GRHL2: variants seen among roughly 807,000 people sequenced by gnomAD.
GRHL2 encodes grainyhead-like protein 2 homolog.
Under a neutral mutation model 83.8 loss-of-function variants are expected in GRHL2, and 21 were observed. That is an observed-to-expected ratio of 0.25 (90% CI 0.18 to 0.36). The LOEUF (loss-of-function observed/expected upper bound fraction) is 0.36, where lower values mean the gene tolerates loss of function less well. Ranked by LOEUF, GRHL2 falls within the 10% of genes least tolerant of loss-of-function variation. GRHL2 has a pLI of 1.00. For missense variants in GRHL2, 623 were observed against 781.8 expected (o/e 0.80, Z 2.42); for synonymous variants, 280 against 278.9 (o/e 1.00, Z -0.04).
intron 1 of GRHL2, among the ~76,000 whole-genome samples, chr8:101,532,755 CAAA>C (rs1187121429): frequency 2.2e-5 from 2 of 90,462 alleles, no homozygotes; most frequent in African/African-American, 4.3e-5. Context: ...CTCCATCTCA[CAAA>C]AAAAAAAAAA....
intron 14 of GRHL2, among the ~76,000 whole-genome samples, chr8:101,657,874 G>GA (rs1185202927): frequency 6.6e-6 from 1 of 151,314 alleles, no homozygotes; most frequent in East Asian, 1.9e-4. Context: ...AAAACACAAA[G>GA]AAAAAAACCC....
chr8:101,512,019 C>G (rs975758111), intron 1 of GRHL2, among the ~76,000 whole-genome samples: 3 of 152,100 alleles, frequency 2.0e-5, no homozygotes, highest in African/African-American at 7.2e-5. Context: ...TTTTTTAACT[C>G]TTCAGTGTGT....
intron 15 of GRHL2, 73 bp downstream of exon 15, chr8:101,664,591 T>C (rs1370176213): frequency 2.7e-6 from 3 of 1,103,052 alleles, no homozygotes; most frequent in Admixed American, 3.5e-5. Context: ...AATAAAATGA[T>C]GCCTGTCTTT....
chr8:101,517,702 C>A (rs926667669), intron 1 of GRHL2, among the ~76,000 whole-genome samples: 1 of 152,114 alleles, frequency 6.6e-6, no homozygotes, highest in South Asian at 2.1e-4. Flanking sequence ...CAACACTGAC[C>A]TTTGTTTTTT....
intron 1 of GRHL2, chr8:101,542,729 A>G (rs759932538): frequency 8.8e-6 from 4 of 456,622 alleles, no homozygotes. Flanking sequence ...CCAGAAGTCC[A>G]GGATCAAGGG....
At chr8:101,531,835 A>G (rs1305522026) in intron 1 of GRHL2, among the ~76,000 whole-genome samples, 1 of 152,172 alleles carries the variant, frequency 6.6e-6, no homozygotes, top group Non-Finnish European at 1.5e-5. Flanking sequence ...AGAGAGAGAG[A>G]GAGACCATGC....
rs5893575 is a variant in GRHL2 at position 101,601,159 on chromosome 8, AACACAC to A, written c.1098+2033_1098+2038del. 8.6e-4 allele frequency among the ~76,000 whole-genome samples: 118 copies of A among 137,366 alleles called. 2 individuals carry two copies. In the East Asian group the frequency reaches 0.015, roughly 18 times the overall value. The allele number at this position is 137,366 out of a possible 152,430, so 90.1% of individuals were successfully genotyped here. ...TGGGTAACAGTATGAGACTGTCTTA[AACACAC>A]ACACACACACACACACACACACACC... On this transcript the variant is annotated intron_variant, in intron 8 of 15. Coordinates refer to ENST00000646743, the MANE Select transcript of GRHL2 (RefSeq NM_024915.4).
intron 1 of GRHL2, among the ~76,000 whole-genome samples, chr8:101,512,647 G>A (rs1015433411): frequency 2.0e-5 from 3 of 152,234 alleles, no homozygotes; most frequent in Admixed American, 1.3e-4. Flanking sequence ...ACTAATTTTT[G>A]TATTTTTAGT....
At chr8:101,679,526 C>G in the GRHL2 span, among the ~76,000 whole-genome samples, 1 of 149,118 alleles carries the variant, frequency 6.7e-6, no homozygotes, top group Non-Finnish European at 1.5e-5. Flanking sequence ...GGAGAACTTC[C>G]CCAATCTAGC....
At chr8:101,560,950 C>G (rs1469322091) in intron 4 of GRHL2, among the ~76,000 whole-genome samples, 13 of 151,948 alleles carry the variant, frequency 8.6e-5, no homozygotes. Context: ...GTTTTTTTAA[C>G]TATATCTTTC....
Position 101,543,275 on chromosome 8 carries a change from A to G in GRHL2, c.55A>G (p.Ser19Gly), listed in dbSNP as rs756952344. 5.6e-6 allele frequency: 9 copies of G among 1,614,006 alleles called. No homozygotes were observed. Among genetic ancestry groups the G allele is most frequent in the Non-Finnish European group, 7.6e-6 (9 of 1,179,982 alleles). ...ACTAGTGGCCTTAGTGCCCATGCCC[A>G]GTGACCCTCCATTCAATACCCGAAG... ...KRLVALVPMP[S>G]DPPFNTRRAY... Residue 19 changes from serine to glycine, a missense_variant, in exon 2 of 16, where the codon AGT becomes GGT. Coordinates refer to ENST00000646743, the MANE Select transcript of GRHL2 (RefSeq NM_024915.4).
rs1554599113 is a variant in GRHL2 at position 101,669,254 on chromosome 8, C to CTTTGCTTTCTTTT, written c.*2554_*2555insGCTTTCTTTTTTT. On this transcript the variant is annotated 3_prime_UTR_variant, in exon 16 of 16. Transcript: ENST00000646743. ...GGACATGTGAAATGAGCATTTTTTT[C>CTTTGCTTTCTTTT]TTTTTTTTTTTTAACAAAGTCTGAA... 1 of 126,626 alleles carries CTTTGCTTTCTTTT rather than the reference C, an allele frequency of 7.9e-6. No homozygotes were observed. Among genetic ancestry groups the CTTTGCTTTCTTTT allele is most frequent in the East Asian group, 2.2e-4 (1 of 4,474 alleles). The allele number at this position is 126,626 out of a possible 1,614,324, so 7.8% of individuals were successfully genotyped here.
At chr8:101,671,102 C>G (rs1267249336), downstream of GRHL2, among the ~76,000 whole-genome samples, 1 of 152,144 alleles carries the variant, frequency 6.6e-6, no homozygotes, top group Non-Finnish European at 1.5e-5. Context: ...GCAATGCAGA[C>G]GACGGTTGAT....
chr8:101,574,423 CA>C (rs1811891877), intron 6 of GRHL2, among the ~76,000 whole-genome samples: 4 of 152,192 alleles, frequency 2.6e-5, no homozygotes, highest in Admixed American at 2.6e-4. Flanking sequence ...TTGCTACTGC[CA>C]AGAAGGGAGA....
chr8:101,630,936 A>G (rs1396246637), intron 9 of GRHL2, among the ~76,000 whole-genome samples: 1 of 152,204 alleles, frequency 6.6e-6, no homozygotes, highest in East Asian at 1.9e-4. Context: ...CAATTGGTTA[A>G]GTAGGGTGCG....
At chr8:101,580,074 A>T (rs1242215879) in intron 7 of GRHL2, among the ~76,000 whole-genome samples, 1 of 152,172 alleles carries the variant, frequency 6.6e-6, no homozygotes, top group African/African-American at 2.4e-5. Flanking sequence ...AGCATCTATG[A>T]TCTGCAGGTT....
At chr8:101,620,140 C>A (rs776388138) in intron 9 of GRHL2, among the ~76,000 whole-genome samples, 3 of 152,138 alleles carry the variant, frequency 2.0e-5, no homozygotes, top group African/African-American at 7.2e-5. Context: ...AGAGAGAGCA[C>A]GTGCACAAGC....
rs1419108555 is a variant in GRHL2, at chr8:101,666,907, C to G, written c.*204C>G. ...ACTGGCACCTACCACGGAGCTGAAG[C>G]CTGAGCCCCTCAGGAAGGTGCCTTA... On this transcript the variant is annotated 3_prime_UTR_variant, in exon 16 of 16. Coordinates refer to ENST00000646743, the MANE Select transcript of GRHL2 (RefSeq NM_024915.4). 3.2e-6 allele frequency: 2 copies of G among 631,418 alleles called. No individual in the cohort carries two copies. The highest frequency in any genetic ancestry group is 2.7e-5 in the East Asian group (1 of 36,384). 39.1% of individuals were successfully genotyped at this position (631,418 alleles called of 1,614,324 possible). A position where few individuals can be genotyped will look rare whatever the true frequency, so the allele number is the denominator to read the frequency against.
At chr8:101,640,735 T>G (rs1813384373) in intron 12 of GRHL2, among the ~76,000 whole-genome samples, 1 of 152,176 alleles carries the variant, frequency 6.6e-6, no homozygotes, top group Admixed American at 6.5e-5. Flanking sequence ...GCTTCTACAC[T>G]GCATTTGGGG....
Sources: gnomAD v4.1 joint callset for allele counts (sites outside exome capture counted in the v4.1 genomes callset) on GRCh38, gnomAD v4.1.1 for gene constraint, MANE v1.5 for transcripts, NCBI Gene and HGNC (gene_info 2026-07-23, HGNC 2026-07-21) for gene names.